The following IARS1 variants were observed in gnomAD, a reference collection of about 807,000 sequenced individuals.
The protein encoded by IARS1 is isoleucine--tRNA ligase, cytoplasmic.
In IARS1, 124 loss-of-function variants were observed where a neutral mutation model predicts 168.2. That is an observed-to-expected ratio of 0.74 (90% CI 0.64 to 0.86). The LOEUF (loss-of-function observed/expected upper bound fraction) is 0.86. Among genes scored for constraint, IARS1 ranks in the 40% least tolerant of loss-of-function variants. The pLI is 0.00. For synonymous variants in IARS1, 532 were observed against 529.4 expected (o/e 1.00, Z -0.07); for missense variants, 1,452 against 1,515.8 (o/e 0.96, Z 0.70).
chr9:92,223,029 C>T (rs966802224), intron 32 of IARS1, among the ~76,000 whole-genome samples: 15 of 152,148 alleles, frequency 9.9e-5, no homozygotes, highest in African/African-American at 3.4e-4. Flanking sequence ...TTGATTAAGG[C>T]ATGGAGGTAT....
chr9:92,225,576 T>TTA (rs1247640089), intron 31 of IARS1, among the ~76,000 whole-genome samples: 1 of 145,084 alleles, frequency 6.9e-6, no homozygotes, highest in African/African-American at 2.6e-5. Flanking sequence ...AAAGTGTGAT[T>TTA]TTTTTTTTTT....
chr9:92,290,925 A>G (rs752419420), intron 1 of IARS1, among the ~76,000 whole-genome samples: 1 of 152,204 alleles, frequency 6.6e-6, no homozygotes, highest in Non-Finnish European at 1.5e-5. Context: ...TCTTAAAGCT[A>G]AAAAGATGAG....
intron 30 of IARS1, among the ~76,000 whole-genome samples, chr9:92,232,827 G>A (rs957521955): frequency 6.6e-6 from 1 of 152,110 alleles, no homozygotes; most frequent in Non-Finnish European, 1.5e-5. Flanking sequence ...TATTAAAACT[G>A]CTCAGGTCTT....
intron 9 of IARS1, 132 bp from the exon 10 acceptor site, chr9:92,274,653 G>A: frequency 1.7e-6 from 1 of 590,158 alleles, no homozygotes; most frequent in Non-Finnish European, 3.0e-6. Flanking sequence ...AGAAAAGAAA[G>A]AATAATGCAG....
chr9:92,249,094 C>T (rs777618231), intron 25 of IARS1, among the ~76,000 whole-genome samples: 13 of 152,046 alleles, frequency 8.6e-5, no homozygotes, highest in Admixed American at 2.6e-4. Flanking sequence ...TGTCAAACAA[C>T]GGGACAGTAA....
chr9:92,283,559 G>A (rs1427161118), intron 6 of IARS1, among the ~76,000 whole-genome samples: 1 of 152,174 alleles, frequency 6.6e-6, no homozygotes, highest in African/African-American at 2.4e-5. Context: ...CAGGAGAATT[G>A]CTTGAACCTG....
intron 33 of IARS1, among the ~76,000 whole-genome samples, chr9:92,211,362 T>TGA (rs1554722286): frequency 1.3e-5 from 2 of 151,856 alleles, no homozygotes; most frequent in Non-Finnish European, 2.9e-5. Flanking sequence ...TCTCTCTCTC[T>TGA]CTCACTCTCG....
At chr9:92,250,586 A>T in intron 23 of IARS1, 127 bp downstream of exon 23, 1 of 1,071,214 alleles carries the variant, frequency 9.3e-7, no homozygotes, top group Non-Finnish European at 1.3e-6. Flanking sequence ...TGAGGAGTTC[A>T]TGTCAGCTGG....
chr9:92,285,688 T>A (rs774454731), intron 6 of IARS1, 34 bp downstream of exon 6: 5 of 1,351,130 alleles, frequency 3.7e-6, no homozygotes, highest in Non-Finnish European at 5.3e-6. Context: ...CCTACAAAAC[T>A]CAATGCTGAA....
chr9:92,270,038 C>T (rs909478596), intron 12 of IARS1, 55 bp from the exon 13 acceptor site: 15 of 1,084,342 alleles, frequency 1.4e-5, no homozygotes, highest in South Asian at 7.6e-5. Context: ...GTAGGCACTA[C>T]GGTAAGACTG....
intron 33 of IARS1, among the ~76,000 whole-genome samples, chr9:92,219,359 C>G (rs1353470035): frequency 6.6e-6 from 1 of 151,552 alleles, no homozygotes; most frequent in East Asian, 1.9e-4. Context: ...TAGGCATGGG[C>G]AAGGACTTCA....
At position 92,231,627 on chromosome 9, in the gene IARS1, C is replaced by T. The variant is rs567242293; in HGVS notation, c.3284-2501G>A. Among the ~76,000 whole-genome samples the T allele has an allele frequency of 6.0e-5, 9 of 149,942 alleles. No individual in the cohort carries two copies. The East Asian group carries it at 1.4e-3, about 23-fold the overall frequency. ...TTTTTTAGTAGAGATGGAGTTTCTC[C>T]ATGTTAGTCAGGCTGGTCTTGAACT... On this transcript the variant is annotated intron_variant, in intron 30 of 33. Coordinates refer to ENST00000443024, the MANE Select transcript of IARS1 (RefSeq NM_002161.6).
At chr9:92,270,905 T>C in intron 12 of IARS1, 80 bp downstream of exon 12, 1 of 905,930 alleles carries the variant, frequency 1.1e-6, no homozygotes, top group Non-Finnish European at 1.6e-6. Context: ...ACACCACAAA[T>C]AAGATGGAAT....
At position 92,250,271 on chromosome 9, in the gene IARS1, C is replaced by T; in HGVS notation, c.2448G>A (p.Lys816=). ...LPRVREELID[K]KTESAVSQMQ... ...TCTGAGATACTGCACTCTCTGTTTT[C>T]TTGTCAATCAATTCTTCTCTGAGTG... The change falls in exon 24 of 34, where the codon AAG becomes AAA. Residue 816 remains lysine, a synonymous_variant. Transcript: ENST00000443024. 1.9e-6 allele frequency: 3 copies of T among 1,606,996 alleles called. No individual in the cohort carries two copies. The highest frequency in any genetic ancestry group is 2.6e-6 in the Non-Finnish European group (3 of 1,173,594).
At chr9:92,219,783 G>A (rs1839368728) in intron 33 of IARS1, among the ~76,000 whole-genome samples, 1 of 123,918 alleles carries the variant, frequency 8.1e-6, no homozygotes. Flanking sequence ...TGCTGGAGAG[G>A]ATGTGGAGAA....
intron 6 of IARS1, among the ~76,000 whole-genome samples, chr9:92,284,754 G>A (rs1215145652): frequency 6.6e-6 from 1 of 152,178 alleles, no homozygotes; most frequent in African/African-American, 2.4e-5. Flanking sequence ...GGGCGACAGA[G>A]CAAGACTCTG....
chr9:92,252,498 G>A, intron 21 of IARS1: 1 of 454,858 alleles, frequency 2.2e-6, no homozygotes, highest in South Asian at 1.6e-5. Flanking sequence ...CAGGCACGGT[G>A]GTTCACACCT....
intron 27 of IARS1, among the ~76,000 whole-genome samples, chr9:92,244,052 G>A (rs1053544212): frequency 1.3e-5 from 2 of 152,114 alleles, no homozygotes; most frequent in Admixed American, 6.5e-5. Flanking sequence ...CAGAGGTAGT[G>A]AAATGCATGA....
chr9:92,282,650 G>A (rs1834795043), intron 6 of IARS1, among the ~76,000 whole-genome samples: 1 of 151,940 alleles, frequency 6.6e-6, no homozygotes, highest in Non-Finnish European at 1.5e-5. Context: ...CACATCTGTG[G>A]TCTCAGCTGC....
Sources: gnomAD v4.1 joint callset for allele counts (sites outside exome capture counted in the v4.1 genomes callset) on GRCh38, gnomAD v4.1.1 for gene constraint, MANE v1.5 for transcripts, NCBI Gene and HGNC (gene_info 2026-07-23, HGNC 2026-07-21) for gene names.